APBB2: variants seen among roughly 807,000 people sequenced by gnomAD.
APBB2 encodes the protein Fe65-like 1.
A neutral mutation model predicts 82.5 loss-of-function variants in APBB2; 38 were observed. The ratio of observed to expected loss-of-function variants is 0.46; its 90% CI spans 0.36 to 0.60. The LOEUF is 0.60. APBB2 is among the 20% of genes least tolerant of loss of function. APBB2 has a pLI of 0.00. For missense variants in APBB2, 772 were observed against 972.3 expected, an observed-to-expected ratio of 0.79 and a Z score of 2.74; for synonymous variants, 341 against 368.2, an observed-to-expected ratio of 0.93 and a Z score of 0.85.
chr4:41,081,334 C>A (rs998996772), intron 3 of APBB2, among the ~76,000 whole-genome samples: 1 of 152,082 alleles, frequency 6.6e-6, no homozygotes, highest in Non-Finnish European at 1.5e-5. Flanking sequence ...ATCACCACAG[C>A]TCTGCAAAGA....
intron 3 of APBB2, among the ~76,000 whole-genome samples, chr4:41,089,073 C>T (rs35610267): frequency 0.06 from 9,172 of 152,168 alleles, 331 homozygotes; most frequent in Middle Eastern, 0.13. Flanking sequence ...CAGTGGGTTT[C>T]CTTGCAAACC....
At chr4:41,131,319 C>G (rs1355538560) in intron 2 of APBB2, among the ~76,000 whole-genome samples, 1 of 152,108 alleles carries the variant, frequency 6.6e-6, no homozygotes, top group Non-Finnish European at 1.5e-5. Context: ...ATTGATTACC[C>G]TGAATTTTTA....
intron 1 of APBB2, among the ~76,000 whole-genome samples, chr4:41,173,557 A>G (rs921131932): frequency 2.0e-5 from 3 of 152,232 alleles, no homozygotes; most frequent in African/African-American, 7.2e-5. Context: ...GGTGCACATA[A>G]CAACACTTCA....
rs1167981043 is a variant in APBB2 at position 40,812,714 on chromosome 4, G to A, written c.*3378C>T. 6.6e-6 allele frequency: 1 copy of A among 152,200 alleles called. No homozygotes were observed. The highest frequency in any genetic ancestry group is 1.5e-5 in the Non-Finnish European group (1 of 68,034). The allele number at this position is 152,200 out of a possible 1,614,324, so 9.4% of individuals were successfully genotyped here. ...CTTCCAGGCAATGGCCTTGTGTCGA[G>A]TCATCTTACAAGTGTCCATCTTGAA... On this transcript the variant is annotated 3_prime_UTR_variant, in exon 18 of 18. Coordinates refer to ENST00000508593, the MANE Select transcript of APBB2 (RefSeq NM_004307.2).
At chr4:41,056,697 C>A (rs1051412903) in intron 4 of APBB2, among the ~76,000 whole-genome samples, 1 of 152,202 alleles carries the variant, frequency 6.6e-6, no homozygotes, top group African/African-American at 2.4e-5. Context: ...ACTGGTCACC[C>A]TATCTCCTCT....
chr4:40,914,033 T>C (rs1235963748), intron 10 of APBB2, among the ~76,000 whole-genome samples: 1 of 151,852 alleles, frequency 6.6e-6, no homozygotes, highest in Admixed American at 6.6e-5. Context: ...GTCAGGAGTT[T>C]GAGACCAGCC....
intron 1 of APBB2, among the ~76,000 whole-genome samples, chr4:41,159,274 G>A (rs1319401259): frequency 6.6e-6 from 1 of 152,008 alleles, no homozygotes; most frequent in East Asian, 1.9e-4. Flanking sequence ...TAGGAAACAG[G>A]AAGGAAGAAG....
intron 10 of APBB2, among the ~76,000 whole-genome samples, chr4:40,896,835 A>C (rs772648604): frequency 1.3e-5 from 2 of 152,132 alleles, no homozygotes; most frequent in Admixed American, 6.6e-5. Flanking sequence ...TCTGGCATGG[A>C]AACTGGGGCT....
intron 6 of APBB2, among the ~76,000 whole-genome samples, chr4:40,965,567 AAAT>A (rs1343485619): frequency 6.6e-6 from 1 of 152,278 alleles, no homozygotes; most frequent in African/African-American, 2.4e-5. Flanking sequence ...AAAGGATATA[AAAT>A]AATAATATTT....
chr4:41,161,215 G>A (rs184128295), intron 1 of APBB2, among the ~76,000 whole-genome samples: 147 of 146,392 alleles, frequency 1.0e-3, no homozygotes, highest in Admixed American at 2.6e-3. Context: ...TTGGAATTGT[G>A]ATTTGGCAAA....
At chr4:41,199,014 C>T (rs540642779) in intron 1 of APBB2, among the ~76,000 whole-genome samples, 16 of 152,320 alleles carry the variant, frequency 1.1e-4, no homozygotes, top group Admixed American at 1.0e-3. Context: ...TTTCCCTCTT[C>T]TTATAAGAAA....
At chr4:41,126,070 T>A (rs1211766158) in intron 2 of APBB2, among the ~76,000 whole-genome samples, 1 of 152,128 alleles carries the variant, frequency 6.6e-6, no homozygotes, top group Non-Finnish European at 1.5e-5. Flanking sequence ...TGACAAGGTA[T>A]GCAGCTTCCA....
chr4:40,875,242 G>A lies in APBB2; in HGVS notation c.1529+15122C>T, dbSNP rs149221874. Among the ~76,000 whole-genome samples the A allele has an allele frequency of 4.2e-3, 639 of 152,310 alleles. 3 individuals carry two copies. Among genetic ancestry groups the A allele is most frequent in the African/African-American group, 0.014 (591 of 41,560 alleles). On this transcript the variant is annotated intron_variant, in intron 12 of 17. Coordinates refer to ENST00000508593, the MANE Select transcript of APBB2 (RefSeq NM_004307.2). Reference sequence around the variant, plus strand: ...GACAGAGATGGGAGTTAAAGATCAGGGGTGGACAAACAGGTATAAGAAGTA... The same window carrying A: ...GACAGAGATGGGAGTTAAAGATCAGAGGTGGACAAACAGGTATAAGAAGTA...
chr4:40,855,804 C>G (rs901437282), intron 12 of APBB2, among the ~76,000 whole-genome samples: 1 of 152,110 alleles, frequency 6.6e-6, no homozygotes. Flanking sequence ...AACCATGACA[C>G]CTTCTTTGAT....
At chr4:41,000,043 G>A (rs1402615915) in intron 6 of APBB2, among the ~76,000 whole-genome samples, 2 of 137,214 alleles carry the variant, frequency 1.5e-5, no homozygotes, top group East Asian at 2.2e-4. Context: ...GTGTGTGTGT[G>A]TATGTATATG....
At chr4:41,079,458 T>C (rs1180119988) in intron 3 of APBB2, among the ~76,000 whole-genome samples, 1 of 151,966 alleles carries the variant, frequency 6.6e-6, no homozygotes, top group African/African-American at 2.4e-5. Context: ...GATTTTTCCA[T>C]AGAGAAACAT....
intron 6 of APBB2, among the ~76,000 whole-genome samples, chr4:40,992,356 A>C (rs2154411794): frequency 3.4e-5 from 1 of 29,618 alleles, no homozygotes; most frequent in African/African-American, 5.5e-5. Flanking sequence ...TATTTTTGGT[A>C]GAGATGGGGG....
Position 40,823,647 on chromosome 4 carries a change from T to C in APBB2, c.1929A>G (p.Glu643=). 6.2e-7 allele frequency: 1 copy of C among 1,607,344 alleles called. No homozygotes were observed. Among genetic ancestry groups the C allele is most frequent in the Non-Finnish European group, 8.5e-7 (1 of 1,173,990 alleles). ...VADATVTVIS[E]KNEEEVLVEC... ...GTCATCGAAGATTCCTTCTCACCTT[T>C]TCACTGATGACAGTCACAGTGGCAT... Residue 643 remains glutamate (E), a synonymous_variant, in exon 16 of 18, where the codon GAA becomes GAG. Coordinates refer to ENST00000508593, the MANE Select transcript of APBB2 (RefSeq NM_004307.2).
At chr4:41,052,255 T>C (rs1384504692) in intron 4 of APBB2, among the ~76,000 whole-genome samples, 12 of 128,366 alleles carry the variant, frequency 9.3e-5, no homozygotes, top group Non-Finnish European at 1.2e-4. Context: ...CAAAACAAAA[T>C]CTCACTTCAC....
Sources: allele counts gnomAD v4.1 joint callset (sites outside exome capture counted in the v4.1 genomes callset), GRCh38; gene constraint gnomAD v4.1.1; transcripts MANE v1.5; gene names NCBI Gene and HGNC (gene_info 2026-07-23, HGNC 2026-07-21).